Variants in RC3H2 observed in about 807,000 individuals in gnomAD.
The protein encoded by RC3H2 is roquin-2.
A neutral mutation model predicts 133.3 loss-of-function variants in RC3H2; 31 were observed. The observed-to-expected ratio is 0.23, with a 90% CI of 0.17 to 0.31. RC3H2 has a LOEUF of 0.31. Ranked by LOEUF, RC3H2 falls within the 10% of genes least tolerant of loss-of-function variation. The pLI, the probability that RC3H2 is intolerant of heterozygous loss-of-function variation, is 1.00. For missense variants in RC3H2, 1,175 were observed against 1,437.2 expected, an observed-to-expected ratio of 0.82 and a Z score of 2.95; for synonymous variants, 517 against 502.2, an observed-to-expected ratio of 1.03 and a Z score of -0.40.
intron 5 of RC3H2, among the ~76,000 whole-genome samples, chr9:122,881,430 C>G (rs1831623732): frequency 1.4e-5 from 2 of 139,194 alleles, no homozygotes; most frequent in African/African-American, 5.4e-5. Flanking sequence ...AGCACTCCAG[C>G]CTGAGGGACA....
At chr9:122,864,617 G>T (rs536522761) in intron 10 of RC3H2, among the ~76,000 whole-genome samples, 1 of 151,500 alleles carries the variant, frequency 6.6e-6, no homozygotes, top group Admixed American at 6.6e-5. Context: ...GCTCCAAAGA[G>T]TCCCCTCCTT....
rs889719630 is a variant in RC3H2, at chr9:122,847,545, A to C, written c.*2082T>G. 1.3e-5 allele frequency: 2 copies of C among 152,302 alleles called. No individual in the cohort carries two copies. Among genetic ancestry groups the C allele is most frequent in the South Asian group, 4.1e-4 (2 of 4,830 alleles). The allele number at this position is 152,302 out of a possible 1,614,324, so 9.4% of individuals were successfully genotyped here. Reference sequence around the variant, plus strand: ...GAATTACAAACAGCAAATAAAGTACATTGGAAGCATTTCAAATGTAATAAG... The same window carrying C: ...GAATTACAAACAGCAAATAAAGTACCTTGGAAGCATTTCAAATGTAATAAG... On this transcript the variant is annotated 3_prime_UTR_variant, in exon 21 of 21. Transcript: ENST00000357244.
intron 9 of RC3H2, among the ~76,000 whole-genome samples, chr9:122,869,063 G>T (rs879856966): frequency 1.3e-5 from 2 of 151,694 alleles, no homozygotes; most frequent in Admixed American, 6.6e-5. Flanking sequence ...CTGCCACCAC[G>T]CCTGGTTAAC....
intron 9 of RC3H2, among the ~76,000 whole-genome samples, chr9:122,867,231 TGGGGGGA>T (rs1830733379): frequency 1.3e-5 from 1 of 74,074 alleles, no homozygotes; most frequent in East Asian, 4.8e-4. Context: ...GGGAGGGAGG[TGGGGGGA>T]TCAGCCCCCC....
chr9:122,898,550 G>GA (rs1475990640), intron 1 of RC3H2, among the ~76,000 whole-genome samples: 9 of 152,060 alleles, frequency 5.9e-5, no homozygotes, highest in Non-Finnish European at 1.2e-4. Flanking sequence ...AGGAGCTTGA[G>GA]AACAGCCTGA....
chr9:122,898,558 T>C (rs1832519411), intron 1 of RC3H2, among the ~76,000 whole-genome samples: 1 of 152,070 alleles, frequency 6.6e-6, no homozygotes. Flanking sequence ...GAGAACAGCC[T>C]GACCAACATG....
chr9:122,855,520 C>A, intron 14 of RC3H2, 123 bp from the exon 15 acceptor site: 1 of 987,138 alleles, frequency 1.0e-6, no homozygotes, highest in Non-Finnish European at 1.5e-6. Flanking sequence ...CTAGACTCAA[C>A]GATAATCCAA....
intron 9 of RC3H2, among the ~76,000 whole-genome samples, chr9:122,872,076 C>A (rs1397924993): frequency 6.6e-6 from 1 of 152,178 alleles, no homozygotes; most frequent in Non-Finnish European, 1.5e-5. Context: ...CCTCACCCGG[C>A]CCCCAATTAT....
At chr9:122,894,011 G>C (rs956294920) in intron 2 of RC3H2, among the ~76,000 whole-genome samples, 4 of 152,112 alleles carry the variant, frequency 2.6e-5, no homozygotes, top group African/African-American at 9.7e-5. Flanking sequence ...TTGGAATCCC[G>C]CACTTTGGGA....
At chr9:122,855,975 T>A (rs1442569984) in intron 13 of RC3H2, 97 bp from the exon 14 acceptor site, 1 of 901,472 alleles carries the variant, frequency 1.1e-6, no homozygotes, top group Non-Finnish European at 1.6e-6. Context: ...TCAGAGGACT[T>A]CATAGCAAAC....
rs888126697 is a variant in RC3H2, at chr9:122,879,150, C to T, written c.1212+605G>A. Among the ~76,000 whole-genome samples the T allele has an allele frequency of 3.3e-5, 5 of 151,260 alleles. No homozygotes were observed. The East Asian group carries it at 7.9e-4, about 24-fold the overall frequency. ...ATGGCTCACGCCTGTAATCCCAGCA[C>T]TTTGGGAGGCCGAGGTGGGCAGATC... is the stretch of plus-strand genomic sequence containing the variant. On this transcript the variant is annotated intron_variant, in intron 8 of 20. Transcript: ENST00000357244.
chr9:122,884,110 T>C (rs1194149200), intron 4 of RC3H2, among the ~76,000 whole-genome samples: 1 of 152,020 alleles, frequency 6.6e-6, no homozygotes, highest in Non-Finnish European at 1.5e-5. Flanking sequence ...CTGGCTAACA[T>C]GGTGAAACCC....
intron 9 of RC3H2, chr9:122,875,447 C>T (rs1831293449): frequency 2.1e-6 from 3 of 1,432,634 alleles, no homozygotes; most frequent in East Asian, 5.0e-5. Flanking sequence ...ATAAAGTTTA[C>T]AGCCATGCCC....
At chr9:122,892,113 A>AT (rs1247686377) in intron 3 of RC3H2, among the ~76,000 whole-genome samples, 3,009 of 144,736 alleles carry the variant, frequency 0.021, 34 homozygotes, top group African/African-American at 0.036. Context: ...ACTCTGGTAA[A>AT]TTTTTTTTTT....
At chr9:122,879,685 C>G in intron 8 of RC3H2, 70 bp downstream of exon 8, 1 of 1,028,798 alleles carries the variant, frequency 9.7e-7, no homozygotes, top group Non-Finnish European at 1.4e-6. Context: ...AACAAAACAG[C>G]TGGTTAAGAT....
chr9:122,903,012 A>C (rs907641028), intron 1 of RC3H2, among the ~76,000 whole-genome samples: 9 of 152,204 alleles, frequency 5.9e-5, no homozygotes, highest in Non-Finnish European at 1.2e-4. Flanking sequence ...GGTATTTTAC[A>C]CCTAAAGCAC....
chr9:122,880,901 A>G, intron 5 of RC3H2, 107 bp from the exon 6 acceptor site: 4 of 741,940 alleles, frequency 5.4e-6, no homozygotes, highest in Non-Finnish European at 9.2e-6. Context: ...CATATCAGAC[A>G]CCACAGAAAT....
chr9:122,881,611 G>A (rs775259572), intron 5 of RC3H2, among the ~76,000 whole-genome samples: 18 of 152,130 alleles, frequency 1.2e-4, no homozygotes, highest in Non-Finnish European at 1.9e-4. Flanking sequence ...ATATACTACG[G>A]CAGGGAATTT....
At chr9:122,890,284 A>T (rs968646485) in intron 4 of RC3H2, 28 bp downstream of exon 4, 1 of 1,593,744 alleles carries the variant, frequency 6.3e-7, no homozygotes, top group East Asian at 2.2e-5. Context: ...ATAGCTAATA[A>T]AAAAGGTAAG....
Sources: gnomAD v4.1 joint callset for allele counts (sites outside exome capture counted in the v4.1 genomes callset) on GRCh38, gnomAD v4.1.1 for gene constraint, MANE v1.5 for transcripts, NCBI Gene and HGNC (gene_info 2026-07-23, HGNC 2026-07-21) for gene names.